PRUNE1: variants seen among roughly 807,000 people sequenced by gnomAD.
PRUNE1 encodes the protein prune exopolyphosphatase 1.
In PRUNE1, 25 loss-of-function variants were observed where a neutral mutation model predicts 42.5. The ratio of observed to expected loss-of-function variants is 0.59; its 90% CI spans 0.43 to 0.82. The LOEUF (loss-of-function observed/expected upper bound fraction) is 0.82. Ranked by LOEUF, PRUNE1 falls within the 40% of genes least tolerant of loss-of-function variation. The probability of loss-of-function intolerance (pLI) is 0.00; values close to 1 mark genes in which losing one functional copy is unlikely to be tolerated. For missense variants in PRUNE1, 443 were observed against 539.3 expected, an observed-to-expected ratio of 0.82 and a Z score of 1.77; for synonymous variants, 203 against 217.1, an observed-to-expected ratio of 0.93 and a Z score of 0.57.
At chr1:151,033,290 G>A (rs1190129407) in intron 7 of PRUNE1, among the ~76,000 whole-genome samples, 3 of 149,344 alleles carry the variant, frequency 2.0e-5, no homozygotes, top group South Asian at 2.1e-4. Context: ...TCTCCATGAT[G>A]GTCAGGCTGG....
chr1:151,026,182 C>G (rs1008906405), intron 5 of PRUNE1, among the ~76,000 whole-genome samples: 1 of 151,772 alleles, frequency 6.6e-6, no homozygotes, highest in African/African-American at 2.4e-5. Flanking sequence ...AAGGGCCAGA[C>G]GCAGTGGCTC....
intron 1 of PRUNE1, among the ~76,000 whole-genome samples, chr1:151,009,821 G>A (rs1673639525): frequency 6.6e-6 from 1 of 152,136 alleles, no homozygotes; most frequent in South Asian, 2.1e-4. Context: ...CAATGCATAA[G>A]GCCATTTGGA....
intron 3 of PRUNE1, 148 bp downstream of exon 3, chr1:151,018,817 C>CA: frequency 1.5e-6 from 1 of 646,512 alleles, no homozygotes; most frequent in Non-Finnish European, 2.6e-6. Flanking sequence ...CCAAGGCGGG[C>CA]GGATCACCTG....
rs1674517465 is a variant in PRUNE1 at position 151,022,424 on chromosome 1, T to A, written c.336-2187T>A. Among the ~76,000 whole-genome samples, 4 of 148,864 alleles carry A rather than the reference T, an allele frequency of 2.7e-5. No homozygotes were observed. The South Asian group carries it at 8.5e-4, about 32-fold the overall frequency. ...CACGCCCGGCCTGGCTAATTTTTTTTTTTTTTTTTTAAGAGACGTAGTCTC... is the reference window on the plus strand; with the variant it reads ...CACGCCCGGCCTGGCTAATTTTTTTATTTTTTTTTTAAGAGACGTAGTCTC... On this transcript the variant is annotated intron_variant, in intron 3 of 7. Transcript: ENST00000271620.
chr1:151,030,464 G>A (rs950971119), intron 7 of PRUNE1, among the ~76,000 whole-genome samples: 3 of 151,878 alleles, frequency 2.0e-5, no homozygotes, highest in Non-Finnish European at 1.5e-5. Flanking sequence ...AAGGTAGTTC[G>A]TCATTATGAA....
chr1:151,034,265 G>T lies in PRUNE1; in HGVS notation c.*31G>T. The T allele has an allele frequency of 6.3e-7, 1 of 1,579,652 alleles. No homozygotes were observed. On this transcript the variant is annotated 3_prime_UTR_variant, in exon 8 of 8. Transcript: ENST00000271620. ...GAGAGGCGAGGAGGTAGTGGGTGAG[G>T]CTACCTGACTCACTTCAAATGCATG...
chr1:151,028,711 C>A (rs2102937006), intron 6 of PRUNE1, 75 bp from the exon 7 acceptor site: 1 of 1,504,166 alleles, frequency 6.6e-7, no homozygotes, highest in South Asian at 1.2e-5. Context: ...GCGTAAGCGA[C>A]CGTGCCCGGC....
At chr1:151,029,843 G>A (rs1208481562) in intron 7 of PRUNE1, among the ~76,000 whole-genome samples, 3 of 152,004 alleles carry the variant, frequency 2.0e-5, no homozygotes, top group Non-Finnish European at 4.4e-5. Context: ...TACTATGCAG[G>A]GATTAATTAT....
At chr1:151,031,194 T>G (rs1675225070) in intron 7 of PRUNE1, among the ~76,000 whole-genome samples, 2 of 125,580 alleles carry the variant, frequency 1.6e-5, no homozygotes, top group Admixed American at 1.5e-4. Flanking sequence ...TGTGTGTGTG[T>G]TTTTTTTTTT....
intron 3 of PRUNE1, among the ~76,000 whole-genome samples, chr1:151,024,310 T>C (rs1369071650): frequency 2.6e-5 from 4 of 151,816 alleles, no homozygotes; most frequent in East Asian, 1.9e-4. Flanking sequence ...CTGGCCAACA[T>C]GGCGAAACCC....
intron 1 of PRUNE1, among the ~76,000 whole-genome samples, chr1:151,009,028 G>A (rs1673563974): frequency 6.6e-6 from 1 of 152,012 alleles, no homozygotes; most frequent in African/African-American, 2.4e-5. Flanking sequence ...AGCCCCGCGA[G>A]GTGTGTTTAT....
At chr1:151,023,439 G>T (rs999730514) in intron 3 of PRUNE1, among the ~76,000 whole-genome samples, 2 of 151,724 alleles carry the variant, frequency 1.3e-5, no homozygotes, top group Non-Finnish European at 2.9e-5. Flanking sequence ...GGAGAGATTT[G>T]CTGGGCGCGG....
chr1:151,023,617 C>T (rs942735574), intron 3 of PRUNE1, among the ~76,000 whole-genome samples: 4 of 151,332 alleles, frequency 2.6e-5, no homozygotes, highest in Non-Finnish European at 4.4e-5. Flanking sequence ...ACTTAGGAGG[C>T]TGAGGCAGGA....
chr1:151,030,375 T>A (rs1216697822), intron 7 of PRUNE1, among the ~76,000 whole-genome samples: 1 of 152,088 alleles, frequency 6.6e-6, no homozygotes, highest in African/African-American at 2.4e-5. Context: ...TTTGCTCTCA[T>A]AGAAGGTATG....
At chr1:151,008,767 A>T in intron 1 of PRUNE1, 96 bp downstream of exon 1, 264 of 1,218,762 alleles carry the variant, frequency 2.2e-4, no homozygotes, top group Non-Finnish European at 2.8e-4. Context: ...GTCCGTGTGG[A>T]GGGAACACTG....
rs587714176 is a variant in PRUNE1, at chr1:151,034,144, G to C, written c.1272G>C (p.Gly424=). The change falls in exon 8 of 8, where the codon GGG becomes GGC. Residue 424 remains glycine (G), a synonymous_variant. Transcript: ENST00000271620. ...SLVDECPLDQ[G]LPKLSAEAVF... The stretch of plus-strand genomic sequence containing the variant: ...TGGATGAGTGCCCTCTAGATCAGGG[G>C]CTGCCTAAACTCTCTGCTGAGGCCG... The C allele has an allele frequency of 1.2e-6, 2 of 1,614,142 alleles. No homozygotes were observed. The highest frequency in any genetic ancestry group is 2.7e-5 in the African/African-American group (2 of 75,042).
intron 1 of PRUNE1, among the ~76,000 whole-genome samples, chr1:151,011,634 A>G (rs897813303): frequency 6.6e-6 from 1 of 152,008 alleles, no homozygotes; most frequent in Non-Finnish European, 1.5e-5. Context: ...TTATCATACC[A>G]TATTCAGCTT....
chr1:151,024,272 C>G (rs1363343209), intron 3 of PRUNE1, among the ~76,000 whole-genome samples: 2 of 151,196 alleles, frequency 1.3e-5, no homozygotes, highest in African/African-American at 2.4e-5. Flanking sequence ...CCTGGCAGAT[C>G]ACCTGAGGTC....
At chr1:151,014,381 C>G (rs1452174235) in intron 1 of PRUNE1, among the ~76,000 whole-genome samples, 1 of 152,208 alleles carries the variant, frequency 6.6e-6, no homozygotes, top group Non-Finnish European at 1.5e-5. Flanking sequence ...CAGATAACCT[C>G]TGTCTTCTGT....
Sources: allele counts gnomAD v4.1 joint callset (sites outside exome capture counted in the v4.1 genomes callset), GRCh38; gene constraint gnomAD v4.1.1; transcripts MANE v1.5; gene names NCBI Gene and HGNC (gene_info 2026-07-23, HGNC 2026-07-21).